CARHSP1: variants seen among roughly 807,000 people sequenced by gnomAD.
CARHSP1 encodes the protein calcium-regulated heat-stable protein 1.
A neutral mutation model predicts 12.5 loss-of-function variants in CARHSP1; 14 were observed. The observed-to-expected ratio is 1.12, with a 90% CI of 0.74 to 1.75. CARHSP1 has a LOEUF of 1.75. CARHSP1 is among the 40% of genes most tolerant of loss of function. CARHSP1 has a pLI of 0.00. For missense variants in CARHSP1, 343 were observed against 201.6 expected (o/e 1.70, Z -4.25); for synonymous variants, 161 against 82.0 (o/e 1.96, Z -5.20).
Position 8,855,001 on chromosome 16 carries a change from C to A in CARHSP1, c.*163G>T. On this transcript the variant is annotated 3_prime_UTR_variant, in exon 4 of 4. Transcript: ENST00000311052. Reference sequence around the variant, plus strand: ...TGCTGATGGCCGGGAACACCCCACACCCCACACCTGCCCCCCATACCCCTT... The same window carrying A: ...TGCTGATGGCCGGGAACACCCCACAACCCACACCTGCCCCCCATACCCCTT... 1.0e-5 allele frequency: 5 copies of A among 500,618 alleles called. No homozygotes were observed. Among genetic ancestry groups the A allele is most frequent in the East Asian group, 7.2e-5 (2 of 27,714 alleles). The allele number at this position is 500,618 out of a possible 1,614,324, so 31.0% of individuals were successfully genotyped here.
rs555304808 is a variant in CARHSP1 at position 8,859,118 on chromosome 16, C to T, written c.158+53G>A. 63 of 1,495,710 alleles carry T rather than the reference C, an allele frequency of 4.2e-5. No homozygotes were observed. In the Middle Eastern group the frequency reaches 6.1e-4, roughly 14 times the overall value. 92.7% of individuals were successfully genotyped at this position (1,495,710 alleles called of 1,614,324 possible). On this transcript the variant is annotated intron_variant, in intron 2 of 3. Transcript: ENST00000311052. Reference sequence around the variant, plus strand: ...GGCCAGAGACACAGTGAATCTCTGGCCTCAGGCAAGAGATCCATCTGAGAA... The same window carrying T: ...GGCCAGAGACACAGTGAATCTCTGGTCTCAGGCAAGAGATCCATCTGAGAA...
rs942338394 is a variant in CARHSP1 at position 8,856,786 on chromosome 16, C to A, written c.282-1460G>T. ...CTTAGGCCAAAGAAGCAGGTAGGGACAAGGGTGCAGATCGAGGGTCCTCCC... is the reference window on the plus strand; with the variant it reads ...CTTAGGCCAAAGAAGCAGGTAGGGAAAAGGGTGCAGATCGAGGGTCCTCCC... On this transcript the variant is annotated intron_variant, in intron 3 of 3. Coordinates refer to ENST00000311052, the MANE Select transcript of CARHSP1 (RefSeq NM_014316.4). Among the ~76,000 whole-genome samples, 5 of 152,172 alleles carry A rather than the reference C, an allele frequency of 3.3e-5. No individual in the cohort carries two copies. In the East Asian group the frequency reaches 5.8e-4, roughly 18 times the overall value.
At chr16:8,861,810 T>C in intron 1 of CARHSP1, 1 of 1,205,394 alleles carries the variant, frequency 8.3e-7, no homozygotes, top group Non-Finnish European at 1.1e-6. Flanking sequence ...AGTCCTAGAA[T>C]GTTCAACGCC....
At chr16:8,857,263 GTTTTTTTTTTTTTT>G (rs756390920) in intron 3 of CARHSP1, among the ~76,000 whole-genome samples, 1,178 of 57,028 alleles carry the variant, frequency 0.021, 134 homozygotes, top group African/African-American at 0.061. Flanking sequence ...GGGCAGATCT[GTTTTTTTTTTTTTT>G]TTTTTTTTTT....
At chr16:8,861,822 A>G (rs2061364326) in intron 1 of CARHSP1, 1 of 1,197,080 alleles carries the variant, frequency 8.4e-7, no homozygotes, top group African/African-American at 1.6e-5. Flanking sequence ...TTCAACGCCC[A>G]GAGTTCCAGG....
intron 1 of CARHSP1, among the ~76,000 whole-genome samples, chr16:8,863,137 T>TCCC (rs1555457602): frequency 1.7e-4 from 22 of 126,288 alleles, no homozygotes; most frequent in African/African-American, 6.0e-4. Context: ...TTTTTTTTTT[T>TCCC]CAGATAGGAT....
intron 1 of CARHSP1, chr16:8,868,317 G>A (rs1420773678): frequency 6.6e-6 from 1 of 152,118 alleles, no homozygotes; most frequent in Non-Finnish European, 1.5e-5. Context: ...TTCACTTCCG[G>A]CCTGCAAACC....
Position 8,858,364 on chromosome 16 carries a change from G to A in CARHSP1, c.267C>T (p.Phe89=), listed in dbSNP as rs763784366. 24 of 1,613,710 alleles carry A rather than the reference G, an allele frequency of 1.5e-5. No homozygotes were observed. The highest frequency in any genetic ancestry group is 2.0e-5 in the Non-Finnish European group (24 of 1,180,012). Residue 89 remains phenylalanine, a synonymous_variant, in exon 3 of 4, where the codon TTC becomes TTT. Transcript: ENST00000311052. ...ITPADGGPDI[F]LHISDVEGEY... ...CGCTGACTCACTCAGAGATGTGCAG[G>A]AAGATGTCGGGGCCGCCATCAGCTG...
Position 8,855,199 on chromosome 16 carries a change from G to A in CARHSP1, c.409C>T (p.His137Tyr). ...VITHLAPGTKHETWSGHVISS is the reference protein window; with the variant it reads ...VITHLAPGTKYETWSGHVISS ...ATGACATGTCCAGACCAGGTCTCAT[G>A]CTTGGTGCCTGGTGCCAGGTGAGTG... is the stretch of plus-strand genomic sequence containing the variant. Residue 137 changes from histidine (H) to tyrosine (Y), a missense_variant, in exon 4 of 4, where the codon CAT (histidine) becomes TAT (tyrosine). His to Tyr is a moderately conservative substitution (Grantham distance 83). Transcript: ENST00000311052. The A allele has an allele frequency of 6.2e-7, 1 of 1,612,278 alleles. No homozygotes were observed. The highest frequency in any genetic ancestry group is 8.5e-7 in the Non-Finnish European group (1 of 1,178,878).
intron 3 of CARHSP1, 40 bp from the exon 4 acceptor site, chr16:8,855,366 G>A: frequency 1.4e-6 from 2 of 1,433,678 alleles, no homozygotes; most frequent in South Asian, 1.5e-5. Flanking sequence ...CTCACACCGG[G>A]ACACAGCTCC....
rs1596524206 is a variant in CARHSP1, at chr16:8,856,420, T to G, written c.282-1094A>C. 3.9e-5 allele frequency among the ~76,000 whole-genome samples: 6 copies of G among 152,298 alleles called. No homozygotes were observed. In the South Asian group the frequency reaches 1.2e-3, roughly 32 times the overall value. ...CTCAGAAATAAATCTGCAGCCTACT[T>G]CCAGCAGCAGAACCAGACATCACAA... is the stretch of plus-strand genomic sequence containing the variant. On this transcript the variant is annotated intron_variant, in intron 3 of 3. Coordinates refer to ENST00000311052, the MANE Select transcript of CARHSP1 (RefSeq NM_014316.4).
rs2060988559 is a variant in CARHSP1 at position 8,853,055 on chromosome 16, C to G, written c.*2109G>C. On this transcript the variant is annotated 3_prime_UTR_variant, in exon 4 of 4. Transcript: ENST00000311052. ...GCTCTGTCACCAAAACCCTCCGTCC[C>G]TCCCAGAGCCTCGAGGAGTTTCCCC... is the stretch of plus-strand genomic sequence containing the variant. 1 of 152,182 alleles carries G rather than the reference C, an allele frequency of 6.6e-6. No individual in the cohort carries two copies. The highest frequency in any genetic ancestry group is 2.4e-5 in the African/African-American group (1 of 41,444). 9.4% of individuals were successfully genotyped at this position (152,182 alleles called of 1,614,324 possible). A position where few individuals can be genotyped will look rare whatever the true frequency, so the allele number is the denominator to read the frequency against.
rs2061259390 is a variant in CARHSP1 at position 8,859,209 on chromosome 16, T to G, written c.120A>C (p.Pro40=). ...SPSPLRGNVV[P]SPLPTRRTRT... is the part of the protein sequence containing the mutation. The stretch of plus-strand genomic sequence containing the variant: ...TCGTCCGGCGAGTGGGCAGTGGGCT[T>G]GGGACCACGTTGCCCCGCAGAGGGG... Residue 40 remains proline (P), a synonymous_variant, in exon 2 of 4, where the codon CCA becomes CCC. Coordinates refer to ENST00000311052, the MANE Select transcript of CARHSP1 (RefSeq NM_014316.4). The G allele has an allele frequency of 1.2e-6, 2 of 1,601,956 alleles. No individual in the cohort carries two copies. Among genetic ancestry groups the G allele is most frequent in the African/African-American group, 1.4e-5 (1 of 72,460 alleles).
At position 8,853,551 on chromosome 16, in the gene CARHSP1, TGAG is replaced by T. The variant is rs892079626; in HGVS notation, c.*1610_*1612del. ...GCTGAAAGGACAAACTCATCAGAGT[TGAG>T]GAGTACCTACCTGATGAAGCTGTTC... On this transcript the variant is annotated 3_prime_UTR_variant, in exon 4 of 4. Transcript: ENST00000311052. 12 of 152,212 alleles carry T rather than the reference TGAG, an allele frequency of 7.9e-5. No individual in the cohort carries two copies. The highest frequency in any genetic ancestry group is 1.0e-4 in the Non-Finnish European group (7 of 68,038). 9.4% of individuals were successfully genotyped at this position (152,212 alleles called of 1,614,324 possible).
chr16:8,859,372 G>C (rs896878350), intron 1 of CARHSP1, 37 bp from the exon 2 acceptor site: 2 of 1,570,148 alleles, frequency 1.3e-6, no homozygotes, highest in Non-Finnish European at 8.6e-7. Context: ...CTCGTGCCTT[G>C]CAAGGTAGGG....
chr16:8,857,998 C>G (rs1035762402), intron 3 of CARHSP1: 20 of 230,540 alleles, frequency 8.7e-5, no homozygotes, highest in Non-Finnish European at 1.5e-4. Context: ...CTCCTGACCT[C>G]GTGATCCACC....
intron 2 of CARHSP1, 41 bp from the exon 3 acceptor site, chr16:8,858,513 C>T: frequency 1.2e-6 from 2 of 1,604,622 alleles, no homozygotes; most frequent in South Asian, 2.2e-5. Context: ...CATCAGCGCT[C>T]CTGGGCACAC....
chr16:8,858,196 G>A (rs989203141), intron 3 of CARHSP1, 154 bp downstream of exon 3: 2 of 875,864 alleles, frequency 2.3e-6, no homozygotes, highest in Non-Finnish European at 3.4e-6. Context: ...ACACACAGGA[G>A]CACAGCTGGA....
rs140613936 is a variant in CARHSP1 at position 8,860,880 on chromosome 16, G to A, written c.-7-1545C>T. 4.6e-3 allele frequency among the ~76,000 whole-genome samples: 694 copies of A among 151,688 alleles called. 1 individual carries two copies. The highest frequency in any genetic ancestry group is 0.01 in the Middle Eastern group (3 of 294). On this transcript the variant is annotated intron_variant, in intron 1 of 3. Transcript: ENST00000311052. ...AGCCTGGCCAACATGGTGAAAACCAGTCTCTACTAAAAATACAAAATTAGC... is the reference window on the plus strand; with the variant it reads ...AGCCTGGCCAACATGGTGAAAACCAATCTCTACTAAAAATACAAAATTAGC...
Sources: gnomAD v4.1 joint callset for allele counts (sites outside exome capture counted in the v4.1 genomes callset) on GRCh38, gnomAD v4.1.1 for gene constraint, MANE v1.5 for transcripts, NCBI Gene and HGNC (gene_info 2026-07-23, HGNC 2026-07-21) for gene names.